The following RALYL variants were observed in gnomAD, a reference collection of about 807,000 sequenced individuals.
The protein encoded by RALYL is RALY RNA binding protein like.
Under a neutral mutation model 35.1 loss-of-function variants are expected in RALYL, and 29 were observed. That is an observed-to-expected ratio of 0.83 (90% confidence interval 0.61 to 1.13). The LOEUF is 1.13. Ranked by LOEUF, RALYL falls within the 50% of genes most tolerant of loss-of-function variation. RALYL has a pLI of 0.00. For missense variants in RALYL, 359 were observed against 360.4 expected (o/e 1.00, Z 0.03); for synonymous variants, 120 against 127.6 (o/e 0.94, Z 0.40).
At chr8:84,284,824 T>C (rs1837291580) in intron 1 of RALYL, among the ~76,000 whole-genome samples, 1 of 152,230 alleles carries the variant, frequency 6.6e-6, no homozygotes, top group Admixed American at 6.5e-5. Flanking sequence ...TTTTTTCCAT[T>C]ATCTTAAAAT....
chr8:84,483,382 T>C (rs2054256503), intron 1 of RALYL, among the ~76,000 whole-genome samples: 1 of 152,136 alleles, frequency 6.6e-6, no homozygotes, highest in African/African-American at 2.4e-5. Flanking sequence ...TCATTGCTAT[T>C]GCAATATAGA....
intron 1 of RALYL, among the ~76,000 whole-genome samples, chr8:84,413,208 A>G: frequency 6.6e-6 from 1 of 151,364 alleles, no homozygotes; most frequent in East Asian, 1.9e-4. Context: ...TTTTAAGACC[A>G]CTGTGATCAA....
intron 1 of RALYL, among the ~76,000 whole-genome samples, chr8:84,519,547 C>T (rs936148180): frequency 2.0e-5 from 3 of 152,166 alleles, no homozygotes; most frequent in African/African-American, 7.2e-5. Flanking sequence ...ACCCTTCCCT[C>T]ACTGCTGTAA....
In RALYL at chr8:84,873,390, G is replaced by A. The variant is rs763307155; in HGVS notation, c.678G>A (p.Ala226=). The A allele has an allele frequency of 1.0e-5, 16 of 1,584,088 alleles. No individual in the cohort carries two copies. Among genetic ancestry groups the A allele is most frequent in the African/African-American group, 5.4e-5 (4 of 74,254 alleles). The change falls in exon 7 of 9, where the codon GCG becomes GCA. Residue 226 remains alanine, a synonymous_variant. Transcript: ENST00000521268. Reference sequence around the variant, plus strand: ...AGAAGATTGAGAAACAGCAGAAGGCGGAGGCAGGTAAGTGATCTCTGATCA... The same window carrying A: ...AGAAGATTGAGAAACAGCAGAAGGCAGAGGCAGGTAAGTGATCTCTGATCA... ...RLEKIEKQQK[A]EAEAQKKQLE... is the part of the protein sequence containing the mutation.
intron 1 of RALYL, among the ~76,000 whole-genome samples, chr8:84,424,199 GA>G (rs1405064854): frequency 6.7e-6 from 1 of 149,940 alleles, no homozygotes; most frequent in Non-Finnish European, 1.5e-5. Flanking sequence ...ATCAGACGTA[GA>G]TTTGGTCTTT....
At chr8:84,534,694 GAGAAATAAGAAGAGAACAGGGAGAAGA>G (rs1256779419) in intron 2 of RALYL, among the ~76,000 whole-genome samples, 21 of 152,132 alleles carry the variant, frequency 1.4e-4, no homozygotes, top group African/African-American at 4.1e-4. Context: ...GCAGGAGGAG[GAGAAATAAGAAGAGAACAGGGAGAAGA>G]AGGAAGGAGA....
At chr8:84,670,398 C>T (rs556575540) in intron 2 of RALYL, among the ~76,000 whole-genome samples, 68 of 152,230 alleles carry the variant, frequency 4.5e-4, no homozygotes, top group Admixed American at 8.5e-4. Flanking sequence ...AAATGTCAGA[C>T]ATCTGATCTC....
chr8:84,780,655 TATCAGTGCTTTGA>T (rs1439336760), intron 3 of RALYL, among the ~76,000 whole-genome samples: 4 of 152,296 alleles, frequency 2.6e-5, no homozygotes, highest in Admixed American at 2.6e-4. Context: ...ACCTGAGCAT[TATCAGTGCTTTGA>T]ATTTGATTTT....
intron 1 of RALYL, among the ~76,000 whole-genome samples, chr8:84,518,331 A>G (rs909948804): frequency 2.0e-5 from 3 of 152,144 alleles, no homozygotes; most frequent in Non-Finnish European, 2.9e-5. Context: ...TCTGCTTTCT[A>G]TAGCTAAGGG....
At chr8:84,800,335 A>G (rs1822944881) in intron 3 of RALYL, among the ~76,000 whole-genome samples, 1 of 152,246 alleles carries the variant, frequency 6.6e-6, no homozygotes, top group Non-Finnish European at 1.5e-5. Flanking sequence ...CAGTTTCCTC[A>G]TCTATAAAAT....
chr8:84,415,308 C>T (rs530689377), intron 1 of RALYL, among the ~76,000 whole-genome samples: 2 of 151,010 alleles, frequency 1.3e-5, no homozygotes, highest in African/African-American at 2.4e-5. Context: ...AATCTCGGCT[C>T]GGCTCACTGC....
intron 1 of RALYL, among the ~76,000 whole-genome samples, chr8:84,284,701 C>A (rs745891397): frequency 2.6e-5 from 4 of 152,148 alleles, no homozygotes; most frequent in Admixed American, 1.3e-4. Context: ...ATTAAAGGAA[C>A]TCATGAAGTC....
At chr8:84,385,412 A>G (rs1858961385) in intron 1 of RALYL, among the ~76,000 whole-genome samples, 1 of 151,878 alleles carries the variant, frequency 6.6e-6, no homozygotes, top group African/African-American at 2.4e-5. Context: ...AGATTAGAAT[A>G]GAAATGAACC....
At chr8:84,312,023 T>A (rs1319588762) in intron 1 of RALYL, among the ~76,000 whole-genome samples, 1 of 152,202 alleles carries the variant, frequency 6.6e-6, no homozygotes, top group Non-Finnish European at 1.5e-5. Context: ...AAAGGTTTAA[T>A]TGACTCACAA....
chr8:84,401,234 T>G (rs2042856937), intron 1 of RALYL, among the ~76,000 whole-genome samples: 1 of 151,986 alleles, frequency 6.6e-6, no homozygotes, highest in South Asian at 2.1e-4. Context: ...TCTTCTTTTT[T>G]TTAATCTTTT....
intron 2 of RALYL, among the ~76,000 whole-genome samples, chr8:84,763,932 C>A (rs1449619517): frequency 6.6e-6 from 1 of 152,176 alleles, no homozygotes; most frequent in Non-Finnish European, 1.5e-5. Context: ...GATTCGTCAA[C>A]TTTCATGGCC....
intron 2 of RALYL, among the ~76,000 whole-genome samples, chr8:84,760,407 C>G (rs1025082949): frequency 6.6e-6 from 1 of 151,830 alleles, no homozygotes; most frequent in Non-Finnish European, 1.5e-5. Flanking sequence ...CCAATTCATA[C>G]AAGCAGAGAT....
intron 1 of RALYL, among the ~76,000 whole-genome samples, chr8:84,258,102 G>A (rs1831526631): frequency 6.6e-6 from 1 of 152,070 alleles, no homozygotes; most frequent in African/African-American, 2.4e-5. Context: ...CTGAAGCCTG[G>A]GGGCCGAAGT....
At chr8:84,286,424 C>A (rs1370173289) in intron 1 of RALYL, among the ~76,000 whole-genome samples, 2 of 152,284 alleles carry the variant, frequency 1.3e-5, no homozygotes, top group East Asian at 1.9e-4. Flanking sequence ...AAAGAGCTAT[C>A]ATTTTTGTTA....
Sources: allele counts gnomAD v4.1 joint callset (sites outside exome capture counted in the v4.1 genomes callset), GRCh38; gene constraint gnomAD v4.1.1; transcripts MANE v1.5; gene names NCBI Gene and HGNC (gene_info 2026-07-23, HGNC 2026-07-21).